Variants in CSMD1 observed in about 807,000 individuals in gnomAD.
The protein encoded by CSMD1 is CUB and Sushi multiple domains 1, also known as CUB and sushi domain-containing protein 1.
In CSMD1, 213 loss-of-function variants were observed where a neutral mutation model predicts 417.5. The ratio of observed to expected loss-of-function variants is 0.51; its 90% CI spans 0.46 to 0.57. The LOEUF is 0.57. Ranked by LOEUF, CSMD1 falls within the 20% of genes least tolerant of loss-of-function variation. CSMD1 has a pLI of 0.00. For missense variants in CSMD1, 6,923 were observed against 4,529.7 expected (o/e 1.53, Z -15.17); for synonymous variants, 2,862 against 1,736.8 (o/e 1.65, Z -16.11).
intron 2 of CSMD1, among the ~76,000 whole-genome samples, chr8:4,453,178 T>A (rs974580811): frequency 6.7e-6 from 1 of 148,844 alleles, no homozygotes; most frequent in Non-Finnish European, 1.5e-5. Flanking sequence ...CCCCCCTCCA[T>A]CCCAACACAC....
At chr8:4,704,436 G>A (rs1293527142) in intron 1 of CSMD1, among the ~76,000 whole-genome samples, 1 of 152,130 alleles carries the variant, frequency 6.6e-6, no homozygotes, top group Non-Finnish European at 1.5e-5. Flanking sequence ...CAGAGACTAG[G>A]ATTTCAATAA....
chr8:4,940,548 C>G (rs1029947283), intron 1 of CSMD1, among the ~76,000 whole-genome samples: 2 of 152,186 alleles, frequency 1.3e-5, no homozygotes, highest in Non-Finnish European at 2.9e-5. Flanking sequence ...AAAATTCATC[C>G]ACACAGTATC....
At chr8:4,049,287 T>A (rs1440817407) in intron 3 of CSMD1, among the ~76,000 whole-genome samples, 1 of 152,056 alleles carries the variant, frequency 6.6e-6, no homozygotes, top group African/African-American at 2.4e-5. Flanking sequence ...GTGGAGATTG[T>A]CTGGCTGTAG....
chr8:3,800,832 T>G (rs572045418), intron 5 of CSMD1, among the ~76,000 whole-genome samples: 1 of 152,236 alleles, frequency 6.6e-6, no homozygotes, highest in South Asian at 2.1e-4. Flanking sequence ...TTCTTCATCA[T>G]GTTTTGACAC....
rs148255981 is a variant in CSMD1 at position 4,970,712 on chromosome 8, G to A, written c.85+23620C>T. On this transcript the variant is annotated intron_variant, in intron 1 of 69. Transcript: ENST00000635120. ...GACAAATGCTATCTTAACTCAGGAC[G>A]TGGATTCTGAAAGAGCAAGTGTGCC... is the stretch of plus-strand genomic sequence containing the variant. Among the ~76,000 whole-genome samples, 574 of 152,164 alleles carry A rather than the reference G, an allele frequency of 3.8e-3. 6 individuals are homozygous for A. Among genetic ancestry groups the A allele is most frequent in the African/African-American group, 0.012 (512 of 41,536 alleles).
chr8:4,048,356 C>T (rs981582879), intron 3 of CSMD1, among the ~76,000 whole-genome samples: 1 of 152,284 alleles, frequency 6.6e-6, no homozygotes, highest in Non-Finnish European at 1.5e-5. Context: ...TAACCATATT[C>T]TTAATAACAA....
intron 2 of CSMD1, among the ~76,000 whole-genome samples, chr8:4,515,128 C>T (rs1386937560): frequency 6.6e-6 from 1 of 152,164 alleles, no homozygotes; most frequent in Non-Finnish European, 1.5e-5. Context: ...AAGGAATTTA[C>T]TGGTCGGTGT....
At chr8:3,610,658 C>A (rs2469329) in intron 8 of CSMD1, among the ~76,000 whole-genome samples, 2 of 151,962 alleles carry the variant, frequency 1.3e-5, no homozygotes, top group Non-Finnish European at 2.9e-5. Context: ...CTCAATTTTT[C>A]TTGTAACATA....
intron 5 of CSMD1, among the ~76,000 whole-genome samples, chr8:3,771,685 G>C (rs753517819): frequency 3.9e-5 from 6 of 152,224 alleles, no homozygotes; most frequent in Non-Finnish European, 8.8e-5. Flanking sequence ...AGAACGGAGA[G>C]GCCCCTAAAG....
At chr8:4,736,125 T>G (rs1460867050) in intron 1 of CSMD1, among the ~76,000 whole-genome samples, 1 of 152,198 alleles carries the variant, frequency 6.6e-6, no homozygotes, top group South Asian at 2.1e-4. Flanking sequence ...GTGAGGTGTT[T>G]CTTCTACTGG....
chr8:4,698,723 C>G (rs1385225325), intron 1 of CSMD1, among the ~76,000 whole-genome samples: 1 of 148,558 alleles, frequency 6.7e-6, no homozygotes, highest in Non-Finnish European at 1.5e-5. Flanking sequence ...TCCACCTTCT[C>G]CCTTCCTTCT....
At chr8:3,204,443 A>C (rs1357027635) in intron 31 of CSMD1, among the ~76,000 whole-genome samples, 4 of 152,194 alleles carry the variant, frequency 2.6e-5, no homozygotes, top group Non-Finnish European at 4.4e-5. Context: ...ATTAAGGCTA[A>C]AGTTAAATGA....
intron 4 of CSMD1, among the ~76,000 whole-genome samples, chr8:4,031,311 T>C (rs1339422830): frequency 6.6e-6 from 1 of 152,192 alleles, no homozygotes; most frequent in Non-Finnish European, 1.5e-5. Flanking sequence ...CCGTCCCAAG[T>C]GGCTGGGGAA....
intron 3 of CSMD1, among the ~76,000 whole-genome samples, chr8:4,418,191 A>T (rs1563152733): frequency 6.6e-6 from 1 of 152,092 alleles, no homozygotes; most frequent in Non-Finnish European, 1.5e-5. Flanking sequence ...TAATATCACC[A>T]TTTCAAATCG....
At chr8:4,387,159 G>A (rs1035141323) in intron 3 of CSMD1, among the ~76,000 whole-genome samples, 3 of 152,178 alleles carry the variant, frequency 2.0e-5, no homozygotes, top group Non-Finnish European at 4.4e-5. Flanking sequence ...TTTGGAAAAT[G>A]AGTTAACACA....
intron 2 of CSMD1, among the ~76,000 whole-genome samples, chr8:4,459,758 T>C (rs10282822): frequency 0.35 from 52,763 of 152,048 alleles, 9,731 homozygotes; most frequent in Middle Eastern, 0.43. Flanking sequence ...ATTCAGCCTC[T>C]AGCCTCCAGA....
rs1811674932 is a variant in CSMD1 at position 4,994,867 on chromosome 8, A to C, written c.-451T>G. On this transcript the variant is annotated 5_prime_UTR_variant, in exon 1 of 70. Transcript: ENST00000635120. ...TCCAGTCTAGAGAGAAAAGGCGGAG[A>C]GCGCAGAAGAAGGGCTGCTAGTGGC... 1 of 162,556 alleles carries C rather than the reference A, an allele frequency of 6.2e-6. No homozygotes were observed. Among genetic ancestry groups the C allele is most frequent in the Admixed American group, 6.4e-5 (1 of 15,748 alleles). 10.1% of individuals were successfully genotyped at this position (162,556 alleles called of 1,614,324 possible).
rs530384483 is a variant in CSMD1, at chr8:3,893,285, G to T, written c.818+104618C>A. ...TTAGCCTATAAAACAAGTAATTTGT[G>T]ATTTCTTATTGTAAAGAAAAATTTT... On this transcript the variant is annotated intron_variant, in intron 5 of 69. Transcript: ENST00000635120. Among the ~76,000 whole-genome samples, 254 of 139,112 alleles carry T rather than the reference G, an allele frequency of 1.8e-3. 1 individual carries two copies. Among genetic ancestry groups the T allele is most frequent in the Non-Finnish European group, 1.7e-3 (108 of 65,108 alleles). The allele number at this position is 139,112 out of a possible 152,430, so 91.3% of individuals were successfully genotyped here.
chr8:4,025,530 T>C (rs1029356545), intron 4 of CSMD1, among the ~76,000 whole-genome samples: 2 of 152,212 alleles, frequency 1.3e-5, no homozygotes, highest in South Asian at 2.1e-4. Context: ...ATCTAGCTGC[T>C]TCTTCTCTTT....
Sources: gnomAD v4.1 joint callset for allele counts (sites outside exome capture counted in the v4.1 genomes callset) on GRCh38, gnomAD v4.1.1 for gene constraint, MANE v1.5 for transcripts, NCBI Gene and HGNC (gene_info 2026-07-23, HGNC 2026-07-21) for gene names.